PKHD1L1: variants seen among roughly 807,000 people sequenced by gnomAD.
PKHD1L1 encodes fibrocystin-L.
A neutral mutation model predicts 462.9 loss-of-function variants in PKHD1L1; 434 were observed. That is an observed-to-expected ratio of 0.94 (90% CI 0.87 to 1.02). The LOEUF is 1.02. Among genes scored for constraint, PKHD1L1 ranks in the 50% least tolerant of loss-of-function variants. The pLI is 0.00. For missense variants in PKHD1L1, 5,202 were observed against 5,096.1 expected, an observed-to-expected ratio of 1.02 and a Z score of -0.63; for synonymous variants, 1,781 against 1,750.0, an observed-to-expected ratio of 1.02 and a Z score of -0.44.
chr8:109,438,272 A>C, intron 30 of PKHD1L1, 52 bp from the exon 31 acceptor site: 1 of 1,289,338 alleles, frequency 7.8e-7, no homozygotes. Flanking sequence ...CATCCCTTGC[A>C]TTTCTGTATC....
chr8:109,448,926 T>A (rs1225689012), intron 39 of PKHD1L1, among the ~76,000 whole-genome samples: 1 of 152,162 alleles, frequency 6.6e-6, no homozygotes, highest in Non-Finnish European at 1.5e-5. Flanking sequence ...TAGACATCAC[T>A]GGTATGTAAT....
intron 5 of PKHD1L1, among the ~76,000 whole-genome samples, chr8:109,385,109 A>T (rs1812367757): frequency 6.6e-6 from 1 of 151,808 alleles, no homozygotes; most frequent in East Asian, 1.9e-4. Context: ...AGCATTTAAA[A>T]ATGGGTGGGA....
At position 109,424,605 on chromosome 8, in the gene PKHD1L1, G is replaced by A. The variant is rs189673514; in HGVS notation, c.2698-480G>A. On this transcript the variant is annotated intron_variant, in intron 23 of 77. Coordinates refer to ENST00000378402, the MANE Select transcript of PKHD1L1 (RefSeq NM_177531.6). ...TTGATTAGCACTGAACATTAAACAA[G>A]TATTTTTTTTTTTAGCCTGGGTCAG... 1.1e-4 allele frequency among the ~76,000 whole-genome samples: 16 copies of A among 151,858 alleles called. No individual in the cohort carries two copies. The East Asian group carries it at 2.7e-3, about 26-fold the overall frequency.
At chr8:109,417,109 A>C (rs1456950765) in intron 21 of PKHD1L1, among the ~76,000 whole-genome samples, 1 of 152,184 alleles carries the variant, frequency 6.6e-6, no homozygotes. Flanking sequence ...AAATAGCTAG[A>C]AAGAATGAAT....
intron 9 of PKHD1L1, among the ~76,000 whole-genome samples, chr8:109,393,069 G>A (rs1407917007): frequency 1.3e-5 from 2 of 152,116 alleles, no homozygotes; most frequent in African/African-American, 4.8e-5. Context: ...TTGAGATGCA[G>A]GATCTGACCA....
At chr8:109,491,189 T>C in intron 61 of PKHD1L1, 88 bp downstream of exon 61, 5 of 1,301,410 alleles carry the variant, frequency 3.8e-6, no homozygotes, top group Non-Finnish European at 5.2e-6. Context: ...CCAATTGATC[T>C]TTCTGTGAGG....
At chr8:109,490,119 G>T in intron 60 of PKHD1L1, 64 bp downstream of exon 60, 1 of 1,026,554 alleles carries the variant, frequency 9.7e-7, no homozygotes, top group South Asian at 1.7e-5. Flanking sequence ...ATTTTCATTT[G>T]ACTTCTAAAT....
At position 109,493,748 on chromosome 8, in the gene PKHD1L1, C is replaced by T. The variant is rs999743087; in HGVS notation, c.10324C>T (p.Pro3442Ser). The T allele has an allele frequency of 4.4e-6, 7 of 1,588,436 alleles. No individual in the cohort carries two copies. Among genetic ancestry groups the T allele is most frequent in the Admixed American group, 1.8e-5 (1 of 55,804 alleles). Reference sequence around the variant, plus strand: ...ATACCGCATTGATGGTGAACCTTGCCCAGGTAAGTCTTTTAAACCAGGAAT... The same window carrying T: ...ATACCGCATTGATGGTGAACCTTGCTCAGGTAAGTCTTTTAAACCAGGAAT... ...AGYRIDGEPC[P>S]GQFNPVEKWF... The change falls in exon 63 of 78, where the codon CCA (proline) becomes TCA (serine). Residue 3442 changes from proline (P) to serine (S), a missense_variant. By Grantham distance (74) the Pro-to-Ser change is moderately conservative. Coordinates refer to ENST00000378402, the MANE Select transcript of PKHD1L1 (RefSeq NM_177531.6).
At chr8:109,493,813 T>G in intron 63 of PKHD1L1, 62 bp downstream of exon 63, 1 of 1,127,528 alleles carries the variant, frequency 8.9e-7, no homozygotes, top group Non-Finnish European at 1.3e-6. Flanking sequence ...ATTGTTAAAA[T>G]AAATAATTAT....
At chr8:109,366,427 G>A (rs1246375818) in intron 2 of PKHD1L1, among the ~76,000 whole-genome samples, 4 of 152,128 alleles carry the variant, frequency 2.6e-5, no homozygotes, top group African/African-American at 9.7e-5. Flanking sequence ...ATAGAATAGC[G>A]GTCATTGAGA....
intron 71 of PKHD1L1, 147 bp from the exon 72 acceptor site, chr8:109,515,023 T>A: frequency 1.8e-6 from 1 of 556,056 alleles, no homozygotes; most frequent in Non-Finnish European, 3.0e-6. Flanking sequence ...AAGCCCATTT[T>A]AAAATTTTAG....
intron 50 of PKHD1L1, chr8:109,471,211 A>G: frequency 1.2e-6 from 1 of 804,240 alleles, no homozygotes; most frequent in Non-Finnish European, 1.9e-6. Context: ...CTTGAATCAG[A>G]TGGTGTCATT....
intron 10 of PKHD1L1, 134 bp from the exon 11 acceptor site, chr8:109,395,893 C>T (rs1218611291): frequency 3.4e-6 from 2 of 595,996 alleles, no homozygotes; most frequent in African/African-American, 1.9e-5. Flanking sequence ...TAATGAAACA[C>T]CTAATTCATG....
chr8:109,522,718 C>G, intron 74 of PKHD1L1, 26 bp from the exon 75 acceptor site: 2 of 1,578,606 alleles, frequency 1.3e-6, no homozygotes, highest in Middle Eastern at 1.7e-4. Flanking sequence ...CATGAAGAAA[C>G]CAGTTCATCC....
intron 30 of PKHD1L1, among the ~76,000 whole-genome samples, chr8:109,437,657 G>A (rs969024620): frequency 6.6e-6 from 1 of 151,968 alleles, no homozygotes; most frequent in African/African-American, 2.4e-5. Context: ...GGGGTATTAT[G>A]TATTTGCAAT....
rs759489290 is a variant in PKHD1L1 at position 109,507,822 on chromosome 8, C to T, written c.11154C>T (p.Tyr3718=). The change falls in exon 69 of 78, where the codon TAC becomes TAT. Residue 3718 remains tyrosine, a synonymous_variant. Transcript: ENST00000378402. ...DGNSQVGIGD[Y]RIPKAMLTFL... ...ACAGCCAAGTAGGAATTGGAGACTA[C>T]AGAATTCCTAAGGCGATGCTCACAT... The T allele has an allele frequency of 1.1e-5, 18 of 1,613,436 alleles. No homozygotes were observed. The highest frequency in any genetic ancestry group is 1.5e-5 in the Non-Finnish European group (18 of 1,179,682).
chr8:109,437,563 C>CT (rs1030916686), intron 30 of PKHD1L1, among the ~76,000 whole-genome samples: 4 of 142,632 alleles, frequency 2.8e-5, no homozygotes, highest in African/African-American at 1.0e-4. Flanking sequence ...TAAATTTAAA[C>CT]TGAGACTCTG....
chr8:109,473,487 G>A, intron 50 of PKHD1L1, among the ~76,000 whole-genome samples: 1 of 151,324 alleles, frequency 6.6e-6, no homozygotes, highest in Non-Finnish European at 1.5e-5. Context: ...CTGGACTCCA[G>A]CCTGGGTGAC....
At chr8:109,518,843 A>G (rs1020940384) in intron 73 of PKHD1L1, among the ~76,000 whole-genome samples, 3 of 152,140 alleles carry the variant, frequency 2.0e-5, no homozygotes, top group South Asian at 4.1e-4. Context: ...ATGAAAAGAC[A>G]GAGGAAAAAG....
Sources: gnomAD v4.1 joint callset for allele counts (sites outside exome capture counted in the v4.1 genomes callset) on GRCh38, gnomAD v4.1.1 for gene constraint, MANE v1.5 for transcripts, NCBI Gene and HGNC (gene_info 2026-07-23, HGNC 2026-07-21) for gene names.